TMX4: variants seen among roughly 807,000 people sequenced by gnomAD.
The protein encoded by TMX4 is thioredoxin related transmembrane protein 4, also known as thioredoxin-related transmembrane protein 4.
TMX4 carries 23 observed loss-of-function variants against 33.3 expected under a neutral mutation model. The ratio of observed to expected loss-of-function variants is 0.69; its 90% CI spans 0.50 to 0.98. TMX4 has a LOEUF of 0.98. Ranked by LOEUF, TMX4 falls within the 50% of genes least tolerant of loss-of-function variation. The probability of loss-of-function intolerance (pLI) is 0.00; values close to 1 mark genes in which losing one functional copy is unlikely to be tolerated. For synonymous variants in TMX4, 164 were observed against 161.5 expected (o/e 1.02, Z -0.12); for missense variants, 399 against 448.9 (o/e 0.89, Z 1.01).
chr20:7,990,093 G>A (rs1381548954), intron 5 of TMX4, among the ~76,000 whole-genome samples: 1 of 152,044 alleles, frequency 6.6e-6, no homozygotes, highest in African/African-American at 2.4e-5. Flanking sequence ...TCAGGAGTTC[G>A]AGACCAGCCT....
intron 1 of TMX4, among the ~76,000 whole-genome samples, chr20:8,013,590 G>C (rs549340055): frequency 6.6e-6 from 1 of 152,080 alleles, no homozygotes; most frequent in African/African-American, 2.4e-5. Flanking sequence ...TGTTTTTGTT[G>C]TCCATGTTGT....
intron 2 of TMX4, among the ~76,000 whole-genome samples, chr20:8,007,692 G>T (rs1314790741): frequency 6.6e-6 from 1 of 152,066 alleles, no homozygotes; most frequent in East Asian, 1.9e-4. Context: ...ACCTGCACAT[G>T]GTGTTTGCTC....
chr20:8,015,446 TG>T (rs552713168), intron 1 of TMX4, among the ~76,000 whole-genome samples: 7 of 152,224 alleles, frequency 4.6e-5, no homozygotes, highest in Non-Finnish European at 7.3e-5. Context: ...ATGCCAATAG[TG>T]TCCTGTTGGG....
rs767612652 is a variant in TMX4 at position 7,987,410 on chromosome 20, AT to A, written c.514-22del. ...AGATGCTGGAATCAGAAGAAAAAAA[AT>A]AAAACATTAATTTTTAAGAGAACCA... On this transcript the variant is annotated intron_variant, in intron 5 of 7. Transcript: ENST00000246024. The A allele has an allele frequency of 2.1e-5, 32 of 1,537,826 alleles. No homozygotes were observed. The East Asian group carries it at 6.8e-4, about 33-fold the overall frequency.
rs2050610787 is a variant in TMX4, at chr20:7,982,410, A to G, written c.891T>C (p.Asn297=). 6.2e-7 allele frequency: 1 copy of G among 1,613,900 alleles called. No individual in the cohort carries two copies. The highest frequency in any genetic ancestry group is 1.6e-4 in the Middle Eastern group (1 of 6,084). ...AGVDEERSEA[N]DQGPPGEDGV... is the part of the protein sequence containing the mutation. Reference sequence around the variant, plus strand: ...CGTCCTCTCCTGGGGGCCCCTGATCATTGGCCTCACTTCTCTCCTCATCCA... The same window carrying G: ...CGTCCTCTCCTGGGGGCCCCTGATCGTTGGCCTCACTTCTCTCCTCATCCA... The change falls in exon 8 of 8, where the codon AAT becomes AAC. Residue 297 remains asparagine, a synonymous_variant. Coordinates refer to ENST00000246024, the MANE Select transcript of TMX4 (RefSeq NM_021156.4).
At chr20:7,988,113 C>T (rs1178624312) in intron 5 of TMX4, among the ~76,000 whole-genome samples, 1 of 152,144 alleles carries the variant, frequency 6.6e-6, no homozygotes, top group Non-Finnish European at 1.5e-5. Flanking sequence ...TATGAACTTG[C>T]TATTTCAAAG....
At position 7,979,767 on chromosome 20, in the gene TMX4, T is replaced by C. The variant is rs1215959665; in HGVS notation, c.*2484A>G. On this transcript the variant is annotated 3_prime_UTR_variant, in exon 8 of 8. Coordinates refer to ENST00000246024, the MANE Select transcript of TMX4 (RefSeq NM_021156.4). The stretch of plus-strand genomic sequence containing the variant: ...AAAAAAAAAAAAGAAAATACATTTT[T>C]CTTATTATATAATTAGATATAGGTC... 1 of 151,996 alleles carries C rather than the reference T, an allele frequency of 6.6e-6. No homozygotes were observed. The highest frequency in any genetic ancestry group is 1.5e-5 in the Non-Finnish European group (1 of 68,018). 9.4% of individuals were successfully genotyped at this position (151,996 alleles called of 1,614,324 possible).
In TMX4 at chr20:7,982,385, C is replaced by T. The variant is rs111982452; in HGVS notation, c.916G>A (p.Gly306Ser). 4.8e-5 allele frequency: 78 copies of T among 1,613,926 alleles called. No individual in the cohort carries two copies. Among genetic ancestry groups the T allele is most frequent in the Non-Finnish European group, 6.3e-5 (74 of 1,180,028 alleles). ...GGCTCTACTTCCTCCCGGGTCACAC[C>T]GTCCTCTCCTGGGGGCCCCTGATCA... The part of the protein sequence containing the change: ...ANDQGPPGED[G>S]VTREEVEPEE... The change falls in exon 8 of 8, where the codon GGT becomes AGT. Residue 306 changes from glycine to serine, a missense_variant. By Grantham distance (56) the Gly-to-Ser change is moderately conservative. Transcript: ENST00000246024.
intron 2 of TMX4, among the ~76,000 whole-genome samples, chr20:8,006,456 C>G (rs558145884): frequency 6.6e-6 from 1 of 152,084 alleles, no homozygotes; most frequent in African/African-American, 2.4e-5. Context: ...AATACACTAA[C>G]GAAGATCTGC....
chr20:8,016,839 C>T (rs2050777569), intron 1 of TMX4, among the ~76,000 whole-genome samples: 1 of 152,152 alleles, frequency 6.6e-6, no homozygotes, highest in African/African-American at 2.4e-5. Flanking sequence ...TTAACTACAA[C>T]AAAAGCTTCT....
At chr20:8,004,069 G>A (rs1015955839) in intron 2 of TMX4, among the ~76,000 whole-genome samples, 3 of 151,604 alleles carry the variant, frequency 2.0e-5, no homozygotes, top group African/African-American at 7.3e-5. Flanking sequence ...AGTCTTCCTT[G>A]GATGATGACA....
chr20:8,010,095 A>T (rs1158253689), intron 2 of TMX4, 105 bp downstream of exon 2: 2 of 869,774 alleles, frequency 2.3e-6, no homozygotes, highest in East Asian at 5.5e-5. Context: ...TGGCCAGTTC[A>T]TGGGTAATCA....
At chr20:7,990,006 T>A (rs547127316) in intron 5 of TMX4, among the ~76,000 whole-genome samples, 16 of 152,100 alleles carry the variant, frequency 1.1e-4, no homozygotes, top group African/African-American at 3.9e-4. Flanking sequence ...TAAGAAAGTA[T>A]CTTACTCGGG....
chr20:8,019,409 C>T (rs1296928216), intron 1 of TMX4, 29 bp downstream of exon 1: 2 of 1,509,014 alleles, frequency 1.3e-6, no homozygotes, highest in Admixed American at 2.1e-5. Flanking sequence ...GAGGACACTG[C>T]GGCGTCCGGG....
intron 2 of TMX4, among the ~76,000 whole-genome samples, chr20:8,003,241 A>G (rs2050714661): frequency 6.6e-6 from 1 of 152,154 alleles, no homozygotes; most frequent in Non-Finnish European, 1.5e-5. Context: ...CCAGCCAAAA[A>G]TTTTATCTAA....
intron 7 of TMX4, among the ~76,000 whole-genome samples, chr20:7,983,277 A>G (rs2050616978): frequency 6.6e-6 from 1 of 152,246 alleles, no homozygotes; most frequent in Non-Finnish European, 1.5e-5. Flanking sequence ...TTCAAGAACT[A>G]AAAAGAAACA....
At chr20:7,988,636 G>A (rs1407337999) in intron 5 of TMX4, among the ~76,000 whole-genome samples, 3 of 152,254 alleles carry the variant, frequency 2.0e-5, no homozygotes, top group South Asian at 2.1e-4. Context: ...TTATTCATAC[G>A]AAAGGCAAAC....
At position 7,982,199 on chromosome 20, in the gene TMX4, G is replaced by A; in HGVS notation, c.*52C>T. On this transcript the variant is annotated 3_prime_UTR_variant, in exon 8 of 8. Coordinates refer to ENST00000246024, the MANE Select transcript of TMX4 (RefSeq NM_021156.4). The stretch of plus-strand genomic sequence containing the variant: ...GATTTGGTACAAACTGCAGGCCAAA[G>A]GGAAGCTGACATATTGTTTTGGTGT... The A allele has an allele frequency of 6.4e-7, 1 of 1,550,584 alleles. No homozygotes were observed. The highest frequency in any genetic ancestry group is 8.7e-7 in the Non-Finnish European group (1 of 1,146,482).
intron 3 of TMX4, among the ~76,000 whole-genome samples, chr20:8,000,304 C>G (rs996199464): frequency 1.3e-5 from 2 of 152,110 alleles, no homozygotes; most frequent in African/African-American, 4.8e-5. Flanking sequence ...CTCCCTCTCA[C>G]CTACTTGCAG....
Sources: gnomAD v4.1 joint callset for allele counts (sites outside exome capture counted in the v4.1 genomes callset) on GRCh38, gnomAD v4.1.1 for gene constraint, MANE v1.5 for transcripts, NCBI Gene and HGNC (gene_info 2026-07-23, HGNC 2026-07-21) for gene names.